UNC5D: variants seen among roughly 807,000 people sequenced by gnomAD.
UNC5D encodes the protein unc-5 netrin receptor D.
UNC5D carries 39 observed loss-of-function variants against 105.4 expected under a neutral mutation model. The observed-to-expected ratio is 0.37, with a 90% CI of 0.29 to 0.48. The LOEUF (loss-of-function observed/expected upper bound fraction) is 0.48, where lower values mean the gene tolerates loss of function less well. Among genes scored for constraint, UNC5D ranks in the 20% least tolerant of loss-of-function variants. The pLI is 0.98. For synonymous variants in UNC5D, 452 were observed against 450.4 expected (o/e 1.00, Z -0.04); for missense variants, 991 against 1,202.4 (o/e 0.82, Z 2.60).
At chr8:35,704,512 C>T (rs1014745644) in intron 7 of UNC5D, among the ~76,000 whole-genome samples, 11 of 152,308 alleles carry the variant, frequency 7.2e-5, no homozygotes, top group African/African-American at 2.4e-4. Flanking sequence ...GACAGTTTCA[C>T]CTCACATGGC....
intron 4 of UNC5D, among the ~76,000 whole-genome samples, chr8:35,673,438 A>G (rs1016178915): frequency 1.3e-5 from 2 of 152,228 alleles, no homozygotes; most frequent in African/African-American, 4.8e-5. Context: ...AGCCTTTCAC[A>G]TAGTCACTAA....
chr8:35,527,107 G>C (rs1346931095), intron 1 of UNC5D, among the ~76,000 whole-genome samples: 2 of 151,996 alleles, frequency 1.3e-5, no homozygotes, highest in South Asian at 4.1e-4. Context: ...CTGTAGGCAG[G>C]CTTTTTGGTT....
chr8:35,642,121 T>G (rs181502446), intron 4 of UNC5D, among the ~76,000 whole-genome samples: 1 of 152,252 alleles, frequency 6.6e-6, no homozygotes, highest in Admixed American at 6.5e-5. Flanking sequence ...ATTCTGCACC[T>G]CCACCTAGAG....
intron 4 of UNC5D, among the ~76,000 whole-genome samples, chr8:35,666,569 A>G (rs1824434786): frequency 6.6e-6 from 1 of 152,112 alleles, no homozygotes; most frequent in Non-Finnish European, 1.5e-5. Context: ...CAGAATGCAA[A>G]GGGGAGGAGG....
intron 3 of UNC5D, among the ~76,000 whole-genome samples, chr8:35,594,400 A>G (rs1819364137): frequency 6.6e-6 from 1 of 152,238 alleles, no homozygotes; most frequent in African/African-American, 2.4e-5. Context: ...CTCTTTACAG[A>G]GAACATATTT....
chr8:35,534,161 G>GT (rs1453463238), intron 1 of UNC5D, among the ~76,000 whole-genome samples: 1 of 152,080 alleles, frequency 6.6e-6, no homozygotes, highest in East Asian at 1.9e-4. Context: ...TTCTTTTGTA[G>GT]TTTTTTATCG....
At chr8:35,739,386 C>T (rs1317995795) in intron 11 of UNC5D, among the ~76,000 whole-genome samples, 1 of 152,150 alleles carries the variant, frequency 6.6e-6, no homozygotes, top group East Asian at 1.9e-4. Context: ...TTAAGACCTG[C>T]TCTTTTTGGA....
At chr8:35,534,600 T>G (rs576829883) in intron 1 of UNC5D, among the ~76,000 whole-genome samples, 1 of 151,608 alleles carries the variant, frequency 6.6e-6, no homozygotes, top group African/African-American at 2.4e-5. Flanking sequence ...TCAAAATAGC[T>G]CTGTTTACTC....
chr8:35,544,595 GTTT>G (rs775831187), intron 1 of UNC5D: 13,845 of 564,458 alleles, frequency 0.025, 1 homozygote, highest in Admixed American at 0.038. Context: ...TTTCGTTTTC[GTTT>G]TTTTTTTTTT....
intron 1 of UNC5D, among the ~76,000 whole-genome samples, chr8:35,422,190 C>A (rs1166836394): frequency 6.6e-6 from 1 of 152,182 alleles, no homozygotes; most frequent in Non-Finnish European, 1.5e-5. Context: ...CCCTTTCCTG[C>A]AAACTTAGGG....
chr8:35,561,149 C>G (rs142741975), intron 2 of UNC5D, among the ~76,000 whole-genome samples: 106 of 152,224 alleles, frequency 7.0e-4, no homozygotes, highest in African/African-American at 2.5e-3. Context: ...CTTTCATATG[C>G]AAACCAAGCA....
chr8:35,449,353 C>T (rs1807998398), intron 1 of UNC5D, among the ~76,000 whole-genome samples: 1 of 152,044 alleles, frequency 6.6e-6, no homozygotes. Context: ...CATGTCCTCT[C>T]TGTTATTGAG....
intron 1 of UNC5D, among the ~76,000 whole-genome samples, chr8:35,244,877 G>A (rs776719568): frequency 7.9e-5 from 12 of 151,716 alleles, no homozygotes; most frequent in African/African-American, 1.5e-4. Context: ...TTAGCTGGAC[G>A]TGGTTGTTCG....
chr8:35,296,918 C>G (rs1022148207), intron 1 of UNC5D, among the ~76,000 whole-genome samples: 2 of 152,058 alleles, frequency 1.3e-5, no homozygotes, highest in African/African-American at 4.8e-5. Flanking sequence ...TAATGCCATG[C>G]CAATTTGCAA....
intron 1 of UNC5D, among the ~76,000 whole-genome samples, chr8:35,252,651 T>G (rs568624299): frequency 6.6e-6 from 1 of 152,326 alleles, no homozygotes; most frequent in South Asian, 2.1e-4. Context: ...ATTTAGTTAT[T>G]CATTTTGTTG....
chr8:35,273,142 A>T (rs1805534841), intron 1 of UNC5D, among the ~76,000 whole-genome samples: 1 of 152,230 alleles, frequency 6.6e-6, no homozygotes, highest in Admixed American at 6.5e-5. Context: ...ATCTGGACTT[A>T]ACTGACAGCA....
chr8:35,392,734 G>A (rs577991304), intron 1 of UNC5D, among the ~76,000 whole-genome samples: 50 of 152,308 alleles, frequency 3.3e-4, no homozygotes, highest in Admixed American at 1.5e-3. Flanking sequence ...AGACAACTTG[G>A]TGGGGGTAAA....
intron 4 of UNC5D, among the ~76,000 whole-genome samples, chr8:35,602,433 CT>C (rs1819952616): frequency 6.6e-6 from 1 of 152,110 alleles, no homozygotes; most frequent in Non-Finnish European, 1.5e-5. Flanking sequence ...TGGTCCTGGA[CT>C]TTTTTTGGTT....
chr8:35,533,711 T>G (rs536372968), intron 1 of UNC5D, among the ~76,000 whole-genome samples: 1 of 152,174 alleles, frequency 6.6e-6, no homozygotes, highest in South Asian at 2.1e-4. Context: ...TCCGTGGGCG[T>G]AGGACCCTCC....
Sources: allele counts gnomAD v4.1 joint callset (sites outside exome capture counted in the v4.1 genomes callset), GRCh38; gene constraint gnomAD v4.1.1; transcripts MANE v1.5; gene names NCBI Gene and HGNC (gene_info 2026-07-23, HGNC 2026-07-21).